PZP: variants seen among roughly 807,000 people sequenced by gnomAD.
The protein encoded by PZP is pregnancy zone protein.
Under a neutral mutation model 179.8 loss-of-function variants are expected in PZP, and 150 were observed. The ratio of observed to expected loss-of-function variants is 0.83; its 90% confidence interval spans 0.73 to 0.96. PZP has a LOEUF of 0.96. Among genes scored for constraint, PZP ranks in the 40% least tolerant of loss-of-function variants. The pLI is 0.00. For missense variants in PZP, 1,689 were observed against 1,764.0 expected, an observed-to-expected ratio of 0.96 and a Z score of 0.76; for synonymous variants, 624 against 652.3, an observed-to-expected ratio of 0.96 and a Z score of 0.66.
intron 11 of PZP, among the ~76,000 whole-genome samples, chr12:9,193,235 A>G (rs936529356): frequency 3.9e-5 from 6 of 152,192 alleles, no homozygotes; most frequent in African/African-American, 1.4e-4. Context: ...TGAAACTTTA[A>G]GCCTTGCAGA....
At chr12:9,173,854 A>G (rs1436585051) in intron 15 of PZP, among the ~76,000 whole-genome samples, 6 of 152,192 alleles carry the variant, frequency 3.9e-5, no homozygotes, top group African/African-American at 1.4e-4. Flanking sequence ...CCAACCAAAA[A>G]AAGCCCAGGA....
intron 7 of PZP, 64 bp downstream of exon 7, chr12:9,200,300 A>G: frequency 9.2e-7 from 1 of 1,087,012 alleles, no homozygotes; most frequent in East Asian, 2.5e-5. Context: ...ATAATTTTGT[A>G]CCTACATAAT....
chr12:9,148,987 C>T lies in PZP; in HGVS notation c.4434G>A (p.Glu1478=). Residue 1478 remains glutamate, a synonymous_variant, in exon 36 of 36, where the codon GAG becomes GAA. Coordinates refer to ENST00000261336, the MANE Select transcript of PZP (RefSeq NM_002864.3). ...EYIAPCSTDT[E]HGNV Reference sequence around the variant, plus strand: ...TGTATGGTCCTCAAACATTTCCATGCTCTGTATCTATGGAGAAAAGAAAAA... The same window carrying T: ...TGTATGGTCCTCAAACATTTCCATGTTCTGTATCTATGGAGAAAAGAAAAA... 2.5e-6 allele frequency: 4 copies of T among 1,611,486 alleles called. No individual in the cohort carries two copies. Among genetic ancestry groups the T allele is most frequent in the Non-Finnish European group, 2.5e-6 (3 of 1,177,696 alleles).
At chr12:9,143,555 G>T in the PZP span, among the ~76,000 whole-genome samples, 2 of 152,086 alleles carry the variant, frequency 1.3e-5, no homozygotes, top group African/African-American at 2.4e-5. Context: ...CATGAGGGGT[G>T]CAAGCTTGAC....
chr12:9,196,836 T>C, intron 8 of PZP, 151 bp from the exon 9 acceptor site: 1 of 798,038 alleles, frequency 1.3e-6, no homozygotes, highest in Non-Finnish European at 2.0e-6. Context: ...ATCTGCTTTG[T>C]AACCTCCAAA....
Position 9,176,266 on chromosome 12 carries a change from A to G in PZP, c.1839+4717T>C, listed in dbSNP as rs1035680224. Among the ~76,000 whole-genome samples the G allele has an allele frequency of 3.3e-5, 5 of 152,114 alleles. No homozygotes were observed. The East Asian group carries it at 7.7e-4, about 24-fold the overall frequency. On this transcript the variant is annotated intron_variant, in intron 15 of 35. Coordinates refer to ENST00000261336, the MANE Select transcript of PZP (RefSeq NM_002864.3). ...AGTGGGAGCTGAATGATGAGAATAC[A>G]TGGGGGAACAACACTCACTCCGGCC...
At chr12:9,166,344 A>G (rs1176179492) in intron 17 of PZP, 142 bp from the exon 18 acceptor site, 1 of 741,142 alleles carries the variant, frequency 1.3e-6, no homozygotes, top group African/African-American at 1.8e-5. Flanking sequence ...AACTTGGGAA[A>G]TACTTTGTGA....
chr12:9,162,064 C>T (rs913406514), intron 22 of PZP, among the ~76,000 whole-genome samples: 28 of 152,228 alleles, frequency 1.8e-4, no homozygotes, highest in African/African-American at 6.3e-4. Flanking sequence ...CCGGCTCAAG[C>T]GATTCTCGTG....
At chr12:9,145,212 G>A (rs774353598), downstream of PZP, among the ~76,000 whole-genome samples, 2 of 152,246 alleles carry the variant, frequency 1.3e-5, no homozygotes, top group African/African-American at 4.8e-5. Flanking sequence ...TGCCATGTTA[G>A]TTGTTTTATG....
intron 7 of PZP, 105 bp from the exon 8 acceptor site, chr12:9,197,228 T>C (rs1943830700): frequency 1.4e-6 from 1 of 727,870 alleles, no homozygotes. Flanking sequence ...CACATCTTTA[T>C]CATCTGGGTG....
intron 28 of PZP, among the ~76,000 whole-genome samples, chr12:9,156,572 G>C (rs1025170782): frequency 3.3e-5 from 5 of 152,212 alleles, no homozygotes; most frequent in African/African-American, 1.2e-4. Context: ...TTTCATTCAA[G>C]TAAGTAGAGA....
chr12:9,197,622 A>G (rs1420411300), intron 7 of PZP, among the ~76,000 whole-genome samples: 2 of 81,846 alleles, frequency 2.4e-5, no homozygotes, highest in Non-Finnish European at 4.3e-5. Flanking sequence ...ATATATTTAT[A>G]TATTATATTA....
chr12:9,193,914 C>T (rs1312417369), intron 11 of PZP, among the ~76,000 whole-genome samples, 163 bp downstream of exon 11: 1 of 151,892 alleles, frequency 6.6e-6, no homozygotes, highest in African/African-American at 2.4e-5. Flanking sequence ...TTTTCTAATG[C>T]CTTTATTGTT....
intron 13 of PZP, among the ~76,000 whole-genome samples, chr12:9,185,428 T>A (rs1481012857): frequency 6.6e-6 from 1 of 152,118 alleles, no homozygotes; most frequent in Non-Finnish European, 1.5e-5. Flanking sequence ...AAATCTGGGA[T>A]TATTTATGTA....
chr12:9,201,333 G>A lies in PZP; in HGVS notation c.495C>T (p.Tyr165=). 1.3e-6 allele frequency: 2 copies of A among 1,555,528 alleles called. No individual in the cohort carries two copies. Among genetic ancestry groups the A allele is most frequent in the Non-Finnish European group, 1.8e-6 (2 of 1,130,766 alleles). ...TACTTTTTCTGATACTTACCTCAAG[G>A]TATATCAGTGGAATCTATATGATAA... ...RPRNELIPLI[Y]LENPRRNRIA... The change falls in exon 5 of 36, where the codon TAC becomes TAT. Residue 165 remains tyrosine (Y), a synonymous_variant. Coordinates refer to ENST00000261336, the MANE Select transcript of PZP (RefSeq NM_002864.3).
chr12:9,194,468 T>G (rs1419876237), intron 10 of PZP, among the ~76,000 whole-genome samples: 2 of 148,448 alleles, frequency 1.3e-5, no homozygotes, highest in African/African-American at 2.5e-5. Context: ...GGGAGTTTTT[T>G]TTTTTTTTTT....
In PZP at chr12:9,168,273, A is replaced by G. The variant is rs748691755; in HGVS notation, c.2107+596T>C. The stretch of plus-strand genomic sequence containing the variant: ...GATATCTGATTTCCAATCCGAGCAT[A>G]TAAATATTTGTGAGCAGATGGATGT... On this transcript the variant is annotated intron_variant, in intron 17 of 35. Coordinates refer to ENST00000261336, the MANE Select transcript of PZP (RefSeq NM_002864.3). 4.6e-5 allele frequency among the ~76,000 whole-genome samples: 7 copies of G among 152,348 alleles called. 1 individual carries two copies. The highest frequency in any genetic ancestry group is 7.3e-5 in the Non-Finnish European group (5 of 68,032).
intron 15 of PZP, among the ~76,000 whole-genome samples, chr12:9,177,493 T>A (rs765409734): frequency 6.6e-6 from 1 of 152,322 alleles, no homozygotes; most frequent in East Asian, 1.9e-4. Context: ...TCACAGAAAT[T>A]GCATGTGATA....
intron 18 of PZP, among the ~76,000 whole-genome samples, chr12:9,165,580 A>G (rs1393183163): frequency 6.6e-6 from 1 of 152,188 alleles, no homozygotes. Flanking sequence ...TCAACAAATG[A>G]TCATATCCCA....
Sources: gnomAD v4.1 joint callset for allele counts (sites outside exome capture counted in the v4.1 genomes callset) on GRCh38, gnomAD v4.1.1 for gene constraint, MANE v1.5 for transcripts, NCBI Gene and HGNC (gene_info 2026-07-23, HGNC 2026-07-21) for gene names.